The following MEGF10 variants were observed in gnomAD, a reference collection of about 807,000 sequenced individuals.
MEGF10 encodes multiple EGF like domains 10.
MEGF10 carries 86 observed loss-of-function variants against 147.5 expected under a neutral mutation model. The observed-to-expected ratio is 0.58, with a 90% CI of 0.49 to 0.70. The LOEUF (loss-of-function observed/expected upper bound fraction) is 0.70, where lower values mean the gene tolerates loss of function less well. Ranked by LOEUF, MEGF10 falls within the 30% of genes least tolerant of loss-of-function variation. The pLI is 0.00. For missense variants in MEGF10, 1,329 were observed against 1,487.3 expected (o/e 0.89, Z 1.75); for synonymous variants, 478 against 525.5 (o/e 0.91, Z 1.24).
rs1217226382 is a variant in MEGF10, at chr5:127,460,133, G to A, written c.*2815G>A. The stretch of plus-strand genomic sequence containing the variant: ...CTTTCTGTATCCCATGGTGGTCAAA[G>A]CAGTAAAGGAGTTTAGAGATACTTA... On this transcript the variant is annotated 3_prime_UTR_variant, in exon 25 of 25. Coordinates refer to ENST00000503335, the MANE Select transcript of MEGF10 (RefSeq NM_001256545.2). 1 of 152,138 alleles carries A rather than the reference G, an allele frequency of 6.6e-6. No individual in the cohort carries two copies. Among genetic ancestry groups the A allele is most frequent in the Admixed American group, 6.5e-5 (1 of 15,268 alleles). The allele number at this position is 152,138 out of a possible 1,614,324, so 9.4% of individuals were successfully genotyped here.
chr5:127,381,441 T>A (rs1763259385), intron 5 of MEGF10, among the ~76,000 whole-genome samples: 1 of 152,240 alleles, frequency 6.6e-6, no homozygotes, highest in African/African-American at 2.4e-5. Context: ...AACCATTTTC[T>A]GACTGTACCA....
intron 17 of MEGF10, among the ~76,000 whole-genome samples, chr5:127,438,820 C>A (rs947055648): frequency 6.6e-6 from 1 of 152,182 alleles, no homozygotes; most frequent in African/African-American, 2.4e-5. Context: ...TATTTCTCTT[C>A]TCTCCTTTAA....
chr5:127,388,197 G>A (rs1278267711), intron 5 of MEGF10, among the ~76,000 whole-genome samples: 1 of 152,138 alleles, frequency 6.6e-6, no homozygotes, highest in Non-Finnish European at 1.5e-5. Flanking sequence ...CACCCAGGCT[G>A]GAGAGCAGTG....
At chr5:127,357,300 C>T (rs947008070) in intron 4 of MEGF10, among the ~76,000 whole-genome samples, 3 of 152,102 alleles carry the variant, frequency 2.0e-5, no homozygotes, top group African/African-American at 7.2e-5. Context: ...TTATGACAAA[C>T]AGTTGTTCAC....
upstream of MEGF10, among the ~76,000 whole-genome samples, chr5:127,290,362 C>G (rs1759189493): frequency 6.6e-6 from 1 of 152,190 alleles, no homozygotes; most frequent in Admixed American, 6.5e-5. Flanking sequence ...ACTGAGGACC[C>G]GCCGTCCACT....
At chr5:127,424,246 T>C (rs1292276293) in intron 13 of MEGF10, 2 of 688,388 alleles carry the variant, frequency 2.9e-6, no homozygotes, top group Non-Finnish European at 5.3e-6. Context: ...TCTCTCCTTA[T>C]GCCAGCACCA....
chr5:127,268,502 A>C, the MEGF10 span, among the ~76,000 whole-genome samples: 1 of 152,084 alleles, frequency 6.6e-6, no homozygotes, highest in Non-Finnish European at 1.5e-5. Flanking sequence ...TGATCTGTCT[A>C]ATGTTGACAG....
intron 4 of MEGF10, among the ~76,000 whole-genome samples, chr5:127,349,132 C>T (rs1347434645): frequency 6.6e-6 from 1 of 152,102 alleles, no homozygotes; most frequent in African/African-American, 2.4e-5. Context: ...CTACGGACCA[C>T]ATTCTCTTAA....
At chr5:127,430,789 A>G (rs1257174208) in intron 13 of MEGF10, among the ~76,000 whole-genome samples, 3 of 152,220 alleles carry the variant, frequency 2.0e-5, no homozygotes, top group African/African-American at 7.2e-5. Flanking sequence ...GACATACTTG[A>G]TATTTATCTT....
intron 9 of MEGF10, among the ~76,000 whole-genome samples, chr5:127,415,303 GC>G (rs1275189144): frequency 6.6e-6 from 1 of 152,170 alleles, no homozygotes; most frequent in Non-Finnish European, 1.5e-5. Flanking sequence ...TCTTAAAAAT[GC>G]CCTGGTTTAG....
At chr5:127,311,078 T>C (rs1457895025) in intron 1 of MEGF10, among the ~76,000 whole-genome samples, 2 of 152,250 alleles carry the variant, frequency 1.3e-5, no homozygotes, top group African/African-American at 4.8e-5. Context: ...CATTCCCTTT[T>C]AGAAAACACA....
the MEGF10 span, among the ~76,000 whole-genome samples, chr5:127,242,280 G>C: frequency 6.6e-5 from 10 of 152,100 alleles, no homozygotes; most frequent in Non-Finnish European, 1.2e-4. Context: ...AGTACTAGAA[G>C]AACCATGTCA....
At chr5:127,338,974 A>G in intron 2 of MEGF10, 146 bp from the exon 3 acceptor site, 1 of 433,256 alleles carries the variant, frequency 2.3e-6, no homozygotes, top group Non-Finnish European at 4.1e-6. Context: ...TTAAATAAAA[A>G]CCCATAAAAA....
At chr5:127,454,399 T>C (rs1766274338) in intron 22 of MEGF10, among the ~76,000 whole-genome samples, 167 bp from the exon 23 acceptor site, 1 of 152,192 alleles carries the variant, frequency 6.6e-6, no homozygotes, top group African/African-American at 2.4e-5. Context: ...TGTTTAATTC[T>C]AGGCACTGGG....
chr5:127,246,861 A>AAC, the MEGF10 span, among the ~76,000 whole-genome samples: 1 of 144,432 alleles, frequency 6.9e-6, no homozygotes, highest in East Asian at 2.0e-4. Context: ...TGTTTAAAAT[A>AAC]ATATATACTA....
the MEGF10 span, among the ~76,000 whole-genome samples, chr5:127,247,386 GAA>G: frequency 4.2e-5 from 1 of 23,680 alleles, no homozygotes; most frequent in Non-Finnish European, 8.7e-5. Context: ...AGAAGAAGAA[GAA>G]GAAGAAGAAG....
rs147858479 is a variant in MEGF10 at position 127,340,196 on chromosome 5, T to TGA, written c.219-331_219-330dup. Among the ~76,000 whole-genome samples the TGA allele has an allele frequency of 0.052, 7,861 of 152,242 alleles. 296 individuals are homozygous for TGA. The highest frequency in any genetic ancestry group is 0.092 in the African/African-American group (3,820 of 41,552). ...GTTAGTCTTCTATATTATAATGGGATGAGACTGCCCTAAGGTTTTTAAGGG... is the reference window on the plus strand; with the variant it reads ...GTTAGTCTTCTATATTATAATGGGATGAGAGACTGCCCTAAGGTTTTTAAGGG... On this transcript the variant is annotated intron_variant, in intron 3 of 24. Transcript: ENST00000503335.
chr5:127,381,315 A>G (rs1763253838), intron 5 of MEGF10, among the ~76,000 whole-genome samples: 1 of 152,268 alleles, frequency 6.6e-6, no homozygotes, highest in Non-Finnish European at 1.5e-5. Flanking sequence ...CTTTAATTAA[A>G]TAAATAGCAG....
rs774127188 is a variant in MEGF10 at position 127,442,983 on chromosome 5, A to G, written c.2363-15A>G. 3 of 1,606,326 alleles carry G rather than the reference A, an allele frequency of 1.9e-6. No homozygotes were observed. In the Admixed American group the frequency reaches 5.1e-5, roughly 27 times the overall value. ...TCCCAAGGTTGGAAAGCTACATTTG[A>G]CTTTCCTTCTCTAGAGTGCCCTTCA... is the stretch of plus-strand genomic sequence containing the variant. On this transcript the variant is annotated splice_polypyrimidine_tract_variant and intron_variant, in intron 18 of 24. Transcript: ENST00000503335.
Sources: allele counts gnomAD v4.1 joint callset (sites outside exome capture counted in the v4.1 genomes callset), GRCh38; gene constraint gnomAD v4.1.1; transcripts MANE v1.5; gene names NCBI Gene and HGNC (gene_info 2026-07-23, HGNC 2026-07-21).